The following C19orf44 variants were observed in gnomAD, a reference collection of about 807,000 sequenced individuals.
C19orf44 encodes the protein uncharacterized protein C19orf44.
A neutral mutation model predicts 50.7 loss-of-function variants in C19orf44; 43 were observed. The ratio of observed to expected loss-of-function variants is 0.85; its 90% confidence interval spans 0.66 to 1.09. C19orf44 has a LOEUF of 1.09. C19orf44 is among the 50% of genes least tolerant of loss of function. C19orf44 has a pLI of 0.00. For missense variants in C19orf44, 722 were observed against 836.2 expected (o/e 0.86, Z 1.68); for synonymous variants, 298 against 334.7 (o/e 0.89, Z 1.20).
chr19:16,516,261 C>T (rs1445242793), intron 7 of C19orf44, among the ~76,000 whole-genome samples: 1 of 152,076 alleles, frequency 6.6e-6, no homozygotes, highest in Non-Finnish European at 1.5e-5. Flanking sequence ...CATAGCAAGA[C>T]TCCATCTCTA....
intron 1 of C19orf44, among the ~76,000 whole-genome samples, chr19:16,498,023 C>T (rs1431862899): frequency 2.0e-5 from 3 of 151,972 alleles, no homozygotes; most frequent in Non-Finnish European, 4.4e-5. Context: ...GGGAGGATCG[C>T]GTGACCCCGG....
chr19:16,496,582 C>G, intron 1 of C19orf44, 117 bp downstream of exon 1: 1 of 241,892 alleles, frequency 4.1e-6, no homozygotes, highest in South Asian at 4.6e-5. Flanking sequence ...GATGGTCCCG[C>G]GCCTCAGTTT....
rs755141280 is a variant in C19orf44 at position 16,520,967 on chromosome 19, C to G, written c.*914C>G. 39 of 1,467,346 alleles carry G rather than the reference C, an allele frequency of 2.7e-5. No individual in the cohort carries two copies. Among genetic ancestry groups the G allele is most frequent in the Middle Eastern group, 1.7e-4 (1 of 5,804 alleles). The allele number at this position is 1,467,346 out of a possible 1,614,324, so 90.9% of individuals were successfully genotyped here. A position where few individuals can be genotyped will look rare whatever the true frequency, so the allele number is the denominator to read the frequency against. On this transcript the variant is annotated 3_prime_UTR_variant, in exon 9 of 9. Coordinates refer to ENST00000221671, the MANE Select transcript of C19orf44 (RefSeq NM_032207.4). This position sits in a 1 kb window ranked among gnomAD's most constrained non-coding sequence, Gnocchi z 4.0. ...ACGTGACACCCACCCACAAGGAAGT[C>G]GTGAAAAAGTCATCAGGAGTTAATC...
Position 16,521,153 on chromosome 19 carries a change from A to T in C19orf44, c.*1100A>T. On this transcript the variant is annotated 3_prime_UTR_variant, in exon 9 of 9. Coordinates refer to ENST00000221671, the MANE Select transcript of C19orf44 (RefSeq NM_032207.4). ...CTGCTGTTCCGCTGAGGTGGTGGGGACCCATGGTCTGTGGAACTGGGAAAC... is the reference window on the plus strand; with the variant it reads ...CTGCTGTTCCGCTGAGGTGGTGGGGTCCCATGGTCTGTGGAACTGGGAAAC... The T allele has an allele frequency of 3.4e-6, 2 of 590,842 alleles. No individual in the cohort carries two copies. Among genetic ancestry groups the T allele is most frequent in the Non-Finnish European group, 6.0e-6 (2 of 330,686 alleles). 36.6% of individuals were successfully genotyped at this position (590,842 alleles called of 1,614,324 possible). A position where few individuals can be genotyped will look rare whatever the true frequency, so the allele number is the denominator to read the frequency against.
At chr19:16,508,331 G>A (rs1038104560) in intron 4 of C19orf44, among the ~76,000 whole-genome samples, 2 of 150,598 alleles carry the variant, frequency 1.3e-5, no homozygotes, top group Non-Finnish European at 3.0e-5. Context: ...TCCAACTCCT[G>A]ACCTCAGGTG....
chr19:16,512,463 A>G (rs1428855465), intron 5 of C19orf44, among the ~76,000 whole-genome samples: 1 of 152,114 alleles, frequency 6.6e-6, no homozygotes, highest in East Asian at 1.9e-4. Context: ...GACTGCAGCC[A>G]CCGTGAGCCG....
chr19:16,496,481 G>T lies in C19orf44; in HGVS notation c.-2+16G>T. 1 of 337,912 alleles carries T rather than the reference G, an allele frequency of 3.0e-6. No individual in the cohort carries two copies. Among genetic ancestry groups the T allele is most frequent in the Non-Finnish European group, 5.7e-6 (1 of 175,162 alleles). 20.9% of individuals were successfully genotyped at this position (337,912 alleles called of 1,614,324 possible). Reference sequence around the variant, plus strand: ...GTGGGAAGAGGTCGGCAGGGCTGGTGGGGAGGTGACCTAGCTGGGCGTCCG... The same window carrying T: ...GTGGGAAGAGGTCGGCAGGGCTGGTTGGGAGGTGACCTAGCTGGGCGTCCG... On this transcript the variant is annotated intron_variant, in intron 1 of 8. Transcript: ENST00000221671.
In C19orf44 at chr19:16,520,217, CGACTGGGACCGG is replaced by C; in HGVS notation, c.*167_*178del. On this transcript the variant is annotated 3_prime_UTR_variant, in exon 9 of 9. Coordinates refer to ENST00000221671, the MANE Select transcript of C19orf44 (RefSeq NM_032207.4). The surrounding 1 kb of genome is among the most constrained non-coding windows in gnomAD (Gnocchi z 4.0). ...GGGAGTACGACTTGGACCGGGACCG[CGACTGGGACCGG>C]GAGCGGCTTCTGGAGGAGCGCGACC... 2 of 1,613,392 alleles carry C rather than the reference CGACTGGGACCGG, an allele frequency of 1.2e-6. No homozygotes were observed. The highest frequency in any genetic ancestry group is 8.5e-7 in the Non-Finnish European group (1 of 1,180,024).
chr19:16,510,136 G>A, intron 5 of C19orf44, 148 bp downstream of exon 5: 10 of 1,236,074 alleles, frequency 8.1e-6, no homozygotes, highest in Non-Finnish European at 1.2e-5. Context: ...GCCAAGCAAG[G>A]TGGCTCACGC....
Position 16,509,754 on chromosome 19 carries a change from T to A in C19orf44, c.1405T>A (p.Ser469Thr), listed in dbSNP as rs540886492. ...GGTGAACACAGTCAGCTCAGCTTATTCGGAGGATTTTGAAAACTCTCCAAG... is the reference window on the plus strand; with the variant it reads ...GGTGAACACAGTCAGCTCAGCTTATACGGAGGATTTTGAAAACTCTCCAAG... ...PMVNTVSSAY[S>T]EDFENSPSLT... The change falls in exon 5 of 9, where the codon TCG becomes ACG. Residue 469 changes from serine (S) to threonine (T), a missense_variant. Transcript: ENST00000221671. The A allele has an allele frequency of 1.3e-4, 216 of 1,614,146 alleles. No individual in the cohort carries two copies. Among genetic ancestry groups the A allele is most frequent in the Non-Finnish European group, 1.8e-4 (209 of 1,180,052 alleles).
chr19:16,514,411 G>C, intron 6 of C19orf44, 86 bp from the exon 7 acceptor site: 1 of 1,338,958 alleles, frequency 7.5e-7, no homozygotes, highest in Non-Finnish European at 1.0e-6. Flanking sequence ...ATTTCAGAGA[G>C]CAGCCTGGCA....
At position 16,521,142 on chromosome 19, in the gene C19orf44, A is replaced by T. The variant is rs1476270008; in HGVS notation, c.*1089A>T. On this transcript the variant is annotated 3_prime_UTR_variant, in exon 9 of 9. Coordinates refer to ENST00000221671, the MANE Select transcript of C19orf44 (RefSeq NM_032207.4). Reference sequence around the variant, plus strand: ...CCCTTGCCACCCTGCTGTTCCGCTGAGGTGGTGGGGACCCATGGTCTGTGG... The same window carrying T: ...CCCTTGCCACCCTGCTGTTCCGCTGTGGTGGTGGGGACCCATGGTCTGTGG... 1 of 596,854 alleles carries T rather than the reference A, an allele frequency of 1.7e-6. No individual in the cohort carries two copies. The highest frequency in any genetic ancestry group is 3.9e-4 in the Middle Eastern group (1 of 2,564). 37.0% of individuals were successfully genotyped at this position (596,854 alleles called of 1,614,324 possible). A position where few individuals can be genotyped will look rare whatever the true frequency, so the allele number is the denominator to read the frequency against.
chr19:16,512,967 T>C (rs775648655), intron 5 of C19orf44, 47 bp from the exon 6 acceptor site: 52 of 1,552,820 alleles, frequency 3.3e-5, no homozygotes, highest in Non-Finnish European at 4.4e-5. Context: ...CCGAAAGTCA[T>C]TTCTCTGCGT....
At chr19:16,518,979 A>C in intron 8 of C19orf44, 1 of 636,426 alleles carries the variant, frequency 1.6e-6, no homozygotes, top group Non-Finnish European at 2.7e-6. Context: ...CGTGCCCTCC[A>C]CGCCATGGAG....
rs770129493 is a variant in C19orf44, at chr19:16,509,787, G to C, written c.1438G>C (p.Ala480Pro). Residue 480 changes from alanine (A) to proline (P), a missense_variant, in exon 5 of 9, where the codon GCA (alanine) becomes CCA (proline). Transcript: ENST00000221671. ...EDFENSPSLT[A>P]SEPTAHSKES... The stretch of plus-strand genomic sequence containing the variant: ...TTTTGAAAACTCTCCAAGTCTGACA[G>C]CATCTGAGCCAACCGCCCATTCCAA... The C allele has an allele frequency of 6.2e-7, 1 of 1,614,254 alleles. No homozygotes were observed. The highest frequency in any genetic ancestry group is 8.5e-7 in the Non-Finnish European group (1 of 1,180,050).
chr19:16,498,614 C>T (rs950371111), intron 1 of C19orf44, among the ~76,000 whole-genome samples: 2 of 151,286 alleles, frequency 1.3e-5, no homozygotes, highest in African/African-American at 4.9e-5. Flanking sequence ...ACACTTGTTA[C>T]GTGTATTTTT....
At chr19:16,515,190 C>T (rs1236155898) in intron 7 of C19orf44, among the ~76,000 whole-genome samples, 2 of 152,104 alleles carry the variant, frequency 1.3e-5, no homozygotes, top group Admixed American at 1.3e-4. Flanking sequence ...GGTGAAGCCC[C>T]ATCTCTACTA....
At chr19:16,497,239 C>A (rs2093411973) in intron 1 of C19orf44, among the ~76,000 whole-genome samples, 1 of 151,896 alleles carries the variant, frequency 6.6e-6, no homozygotes, top group South Asian at 2.1e-4. Context: ...TGAGTCACAG[C>A]ACCGGCCCGA....
At chr19:16,513,261 C>A (rs1440072369) in intron 6 of C19orf44, 152 bp downstream of exon 6, 2 of 718,100 alleles carry the variant, frequency 2.8e-6, no homozygotes, top group African/African-American at 1.8e-5. Context: ...AGGCACCTGC[C>A]ATGAGGAGAG....
Sources: gnomAD v4.1 joint callset for allele counts (sites outside exome capture counted in the v4.1 genomes callset) on GRCh38, gnomAD v4.1.1 for gene constraint, Gnocchi (gnomAD v3.1) non-coding constraint, MANE v1.5 for transcripts, NCBI Gene and HGNC (gene_info 2026-07-23, HGNC 2026-07-21) for gene names.